RIMS2: variants seen among roughly 807,000 people sequenced by gnomAD.
RIMS2 encodes regulating synaptic membrane exocytosis 2.
A neutral mutation model predicts 174.4 loss-of-function variants in RIMS2; 59 were observed. The ratio of observed to expected loss-of-function variants is 0.34; its 90% CI spans 0.27 to 0.42. RIMS2 has a LOEUF of 0.42. Among genes scored for constraint, RIMS2 ranks in the 10% least tolerant of loss-of-function variants. RIMS2 has a pLI of 1.00. For synonymous variants in RIMS2, 606 were observed against 572.5 expected, an observed-to-expected ratio of 1.06 and a Z score of -0.84; for missense variants, 1,620 against 1,666.3, an observed-to-expected ratio of 0.97 and a Z score of 0.48.
At chr8:103,897,024 C>G (rs1247052911) in intron 4 of RIMS2, among the ~76,000 whole-genome samples, 1 of 151,536 alleles carries the variant, frequency 6.6e-6, no homozygotes, top group East Asian at 1.9e-4. Flanking sequence ...TCCAAAGAGC[C>G]CCGTTACCCA....
intron 19 of RIMS2, among the ~76,000 whole-genome samples, chr8:104,163,205 G>A (rs2098774471): frequency 6.6e-6 from 1 of 152,088 alleles, no homozygotes; most frequent in Non-Finnish European, 1.5e-5. Context: ...GCTCTAAGTG[G>A]ACAAATTCTT....
At chr8:104,052,068 A>G (rs80154254) in intron 19 of RIMS2, among the ~76,000 whole-genome samples, 2,010 of 152,300 alleles carry the variant, frequency 0.013, 28 homozygotes, top group Middle Eastern at 0.11. Flanking sequence ...AGACATAAAT[A>G]TGATCAGTGG....
At chr8:104,178,472 T>C (rs1586662175) in intron 19 of RIMS2, among the ~76,000 whole-genome samples, 1 of 152,128 alleles carries the variant, frequency 6.6e-6, no homozygotes, top group Admixed American at 6.6e-5. Flanking sequence ...GAAAAAACTG[T>C]GTAACTGACT....
downstream of RIMS2, chr8:104,253,704 TAAC>T (rs930707496): frequency 2.0e-5 from 3 of 152,230 alleles, no homozygotes; most frequent in South Asian, 2.1e-4. Context: ...TACATTTTGA[TAAC>T]ACATTATTAT....
At chr8:103,913,444 A>G (rs1425033036) in intron 6 of RIMS2, among the ~76,000 whole-genome samples, 1 of 152,114 alleles carries the variant, frequency 6.6e-6, no homozygotes, top group African/African-American at 2.4e-5. Flanking sequence ...TCTCTAAAAA[A>G]AGTAAATGTT....
chr8:103,861,305 T>C (rs1037969368), intron 3 of RIMS2, among the ~76,000 whole-genome samples: 4 of 152,192 alleles, frequency 2.6e-5, no homozygotes, highest in African/African-American at 9.6e-5. Context: ...GCAAAGGACA[T>C]GATTTCATTC....
intron 19 of RIMS2, among the ~76,000 whole-genome samples, chr8:104,137,405 G>A (rs1223314536): frequency 2.0e-5 from 3 of 152,080 alleles, no homozygotes; most frequent in African/African-American, 7.2e-5. Context: ...ACAACGTTGA[G>A]AGAGTTACAT....
intron 19 of RIMS2, among the ~76,000 whole-genome samples, chr8:104,089,270 A>G (rs1210078935): frequency 6.6e-6 from 1 of 151,960 alleles, no homozygotes; most frequent in East Asian, 1.9e-4. Flanking sequence ...CATTTCCTAA[A>G]TAAATAAATT....
intron 1 of RIMS2, among the ~76,000 whole-genome samples, chr8:103,539,910 G>A (rs10089491): frequency 0.18 from 27,684 of 152,198 alleles, 2,767 homozygotes; most frequent in African/African-American, 0.26. Context: ...GGGCCTTGGA[G>A]CCAAGCTCTT....
chr8:103,751,167 G>C lies in RIMS2; in HGVS notation c.388-15060G>C, dbSNP rs139847717. On this transcript the variant is annotated intron_variant, in intron 2 of 23. Transcript: ENST00000504942. ...TTCTTTTGTAAATTGCCCCATCTCA[G>C]TTCCCACGCATGAGTGAGAACATGC... is the stretch of plus-strand genomic sequence containing the variant. 1.4e-3 allele frequency among the ~76,000 whole-genome samples: 209 copies of C among 152,044 alleles called. 5 individuals carry two copies. Among genetic ancestry groups the C allele is most frequent in the African/African-American group, 4.7e-3 (196 of 41,464 alleles).
intron 17 of RIMS2, among the ~76,000 whole-genome samples, chr8:103,995,481 T>C (rs2154551303): frequency 6.6e-6 from 1 of 152,000 alleles, no homozygotes; most frequent in Admixed American, 6.6e-5. Flanking sequence ...AGAGGGAGAA[T>C]GGTGGGCATT....
intron 1 of RIMS2, among the ~76,000 whole-genome samples, chr8:103,524,799 T>A (rs963348969): frequency 6.6e-6 from 1 of 152,188 alleles, no homozygotes; most frequent in Non-Finnish European, 1.5e-5. Flanking sequence ...GTTGTTACAG[T>A]AGCCAGAATT....
exon 24 of RIMS2, chr8:104,251,845 A>G: frequency 2.3e-6 from 3 of 1,302,784 alleles, no homozygotes; most frequent in Non-Finnish European, 2.2e-6. Context: ...TTGTTGTCAC[A>G]GCAACCAGCG....
chr8:104,075,795 G>A (rs1419540275), intron 19 of RIMS2, among the ~76,000 whole-genome samples: 2 of 152,130 alleles, frequency 1.3e-5, no homozygotes, highest in Non-Finnish European at 1.5e-5. Context: ...TTAAATGCCA[G>A]ACTAGCCTAC....
intron 3 of RIMS2, among the ~76,000 whole-genome samples, chr8:103,862,040 A>G (rs1229418206): frequency 6.6e-6 from 1 of 152,042 alleles, no homozygotes; most frequent in East Asian, 1.9e-4. Context: ...GTAGTCATAA[A>G]TTCTTTGCCT....
chr8:104,015,466 T>TTA (rs1288459533), intron 19 of RIMS2: 1 of 695,368 alleles, frequency 1.4e-6, no homozygotes, highest in Non-Finnish European at 2.6e-6. Context: ...GGTCTGTACA[T>TTA]AAAAGAGGGT....
At chr8:103,815,457 A>C (rs1449969789) in intron 3 of RIMS2, among the ~76,000 whole-genome samples, 1 of 152,130 alleles carries the variant, frequency 6.6e-6, no homozygotes, top group Non-Finnish European at 1.5e-5. Context: ...TAGAACTCTT[A>C]TTATCACTGT....
Position 103,730,206 on chromosome 8 carries a change from C to G in RIMS2, c.387+32910C>G, listed in dbSNP as rs556762326. Among the ~76,000 whole-genome samples, 13 of 152,170 alleles carry G rather than the reference C, an allele frequency of 8.5e-5. No homozygotes were observed. In the East Asian group the frequency reaches 2.5e-3, roughly 29 times the overall value. ...GGTGGTGGGGGGTTTAAGTCTCTCT[C>G]TCTTTCTTTAGCTCTAGTAATATTT... On this transcript the variant is annotated intron_variant, in intron 2 of 23. Transcript: ENST00000504942.
exon 10 of RIMS2, chr8:103,921,708 C>T (rs1354585314): frequency 1.3e-6 from 2 of 1,561,692 alleles, no homozygotes; most frequent in Non-Finnish European, 1.8e-6. Flanking sequence ...ATGGATCGTC[C>T]TTCTATTTCT....
Sources: gnomAD v4.1 joint callset for allele counts (sites outside exome capture counted in the v4.1 genomes callset) on GRCh38, gnomAD v4.1.1 for gene constraint, MANE v1.5 for transcripts, NCBI Gene and HGNC (gene_info 2026-07-23, HGNC 2026-07-21) for gene names.